The following LRRC7 variants were observed in gnomAD, a reference collection of about 807,000 sequenced individuals.
The protein encoded by LRRC7 is leucine rich repeat containing 7.
Under a neutral mutation model 175.7 loss-of-function variants are expected in LRRC7, and 23 were observed. The ratio of observed to expected loss-of-function variants is 0.13; its 90% CI spans 0.09 to 0.19. The LOEUF (loss-of-function observed/expected upper bound fraction) is 0.19, where lower values mean the gene tolerates loss of function less well. LRRC7 is among the 10% of genes least tolerant of loss of function. The pLI is 1.00. For missense variants in LRRC7, 1,354 were observed against 1,904.7 expected (o/e 0.71, Z 5.38); for synonymous variants, 685 against 680.9 (o/e 1.01, Z -0.09).
intron 25 of LRRC7, among the ~76,000 whole-genome samples, chr1:70,096,625 C>T (rs1019376062): frequency 4.2e-4 from 64 of 152,100 alleles, no homozygotes; most frequent in African/African-American, 1.4e-3. Context: ...CCTTTGTCCT[C>T]TCTGTCAACG....
Position 69,838,288 on chromosome 1 carries a change from G to GT in LRRC7, c.647+6dup. 1 of 1,601,672 alleles carries GT rather than the reference G, an allele frequency of 6.2e-7. No homozygotes were observed. Among genetic ancestry groups the GT allele is most frequent in the Non-Finnish European group, 8.5e-7 (1 of 1,170,066 alleles). On this transcript the variant is annotated splice_donor_region_variant and intron_variant, in intron 7 of 26. Transcript: ENST00000651989. ...TCACTTGAAAACTCTACCAAAGTAA[G>GT]TGACTGTGTATTTTCTGAATTTTGA...
intron 3 of LRRC7, among the ~76,000 whole-genome samples, chr1:69,768,657 G>A (rs191683512): frequency 1.0e-3 from 159 of 152,296 alleles, no homozygotes; most frequent in Non-Finnish European, 1.7e-3. Flanking sequence ...AGGTAAGGAA[G>A]GAAGGGGAAA....
intron 7 of LRRC7, among the ~76,000 whole-genome samples, chr1:69,852,962 A>G (rs577773626): frequency 1.3e-5 from 2 of 152,290 alleles, no homozygotes; most frequent in East Asian, 1.9e-4. Context: ...CAGAATGTCC[A>G]TAATGCAACT....
chr1:70,091,400 A>G (rs937549561), intron 25 of LRRC7, among the ~76,000 whole-genome samples: 1 of 152,122 alleles, frequency 6.6e-6, no homozygotes, highest in African/African-American at 2.4e-5. Context: ...TCTTTCATAA[A>G]TTCTTTCAAT....
chr1:70,105,803 G>A (rs1156582012), intron 25 of LRRC7, among the ~76,000 whole-genome samples: 1 of 152,046 alleles, frequency 6.6e-6, no homozygotes, highest in Non-Finnish European at 1.5e-5. Flanking sequence ...TAATTACTTG[G>A]TTAAAAGTTA....
At chr1:69,933,688 T>C (rs1351928924) in intron 8 of LRRC7, among the ~76,000 whole-genome samples, 1 of 152,208 alleles carries the variant, frequency 6.6e-6, no homozygotes. Flanking sequence ...CTGTCAGGTA[T>C]ATTATTCTGC....
intron 1 of LRRC7, among the ~76,000 whole-genome samples, chr1:69,602,235 A>G (rs892570084): frequency 1.2e-4 from 19 of 152,172 alleles, no homozygotes; most frequent in Admixed American, 5.9e-4. Flanking sequence ...GATTCAATCT[A>G]ATACATACAT....
chr1:70,093,968 G>C (rs1482921116), intron 25 of LRRC7, among the ~76,000 whole-genome samples: 1 of 152,174 alleles, frequency 6.6e-6, no homozygotes, highest in African/African-American at 2.4e-5. Context: ...CTGCAAATGA[G>C]AGAATTTTTA....
intron 18 of LRRC7, 87 bp downstream of exon 18, chr1:70,028,458 A>G (rs1658358733): frequency 8.7e-7 from 1 of 1,148,728 alleles, no homozygotes. Flanking sequence ...ATCTTCCTTG[A>G]TAAGTGCATT....
In LRRC7 at chr1:70,023,236, C is replaced by A; in HGVS notation, c.1656C>A (p.Ile552=). The A allele has an allele frequency of 6.2e-7, 1 of 1,612,300 alleles. No individual in the cohort carries two copies. ...CTPWARCDQQ[I]QDMPVPQNDP... is the part of the protein sequence containing the mutation. The stretch of plus-strand genomic sequence containing the variant: ...CATGGGCCAGGTGTGATCAGCAGAT[C>A]CAAGATATGCCCGTCCCCCAGAATG... The change falls in exon 17 of 27, where the codon ATC becomes ATA. Residue 552 remains isoleucine, a synonymous_variant. Transcript: ENST00000651989.
Position 69,838,333 on chromosome 1 carries a change from G to A in LRRC7, c.647+50G>A, listed in dbSNP as rs756200434. On this transcript the variant is annotated intron_variant, in intron 7 of 26. Coordinates refer to ENST00000651989, the MANE Select transcript of LRRC7 (RefSeq NM_001370785.2). ...TTTTGAACTGTGATTTTTTTCACTA[G>A]TAAGAGAAATAACTACTTTTATTTT... 22 of 1,380,420 alleles carry A rather than the reference G, an allele frequency of 1.6e-5. No homozygotes were observed. The South Asian group carries it at 2.5e-4, about 15-fold the overall frequency. 85.5% of individuals were successfully genotyped at this position (1,380,420 alleles called of 1,614,324 possible). A position where few individuals can be genotyped will look rare whatever the true frequency, so the allele number is the denominator to read the frequency against.
At chr1:69,786,858 C>T (rs1006980206) in intron 3 of LRRC7, among the ~76,000 whole-genome samples, 16 of 152,238 alleles carry the variant, frequency 1.1e-4, no homozygotes, top group African/African-American at 3.4e-4. Flanking sequence ...CCAGATCTTA[C>T]GTACTCACAT....
At chr1:70,100,338 G>T (rs663251) in intron 25 of LRRC7, among the ~76,000 whole-genome samples, 89,581 of 151,898 alleles carry the variant, frequency 0.59, 27,139 homozygotes, top group Middle Eastern at 0.67. Context: ...GCTCTGAAGA[G>T]CATCATCTTG....
intron 1 of LRRC7, among the ~76,000 whole-genome samples, chr1:69,657,504 C>A (rs1201296680): frequency 1.3e-5 from 2 of 151,792 alleles, no homozygotes; most frequent in Non-Finnish European, 2.9e-5. Flanking sequence ...TCCTCTTCAT[C>A]CAGGTGCTAT....
intron 1 of LRRC7, among the ~76,000 whole-genome samples, chr1:69,654,488 G>C (rs369464699): frequency 6.6e-6 from 1 of 151,860 alleles, no homozygotes; most frequent in African/African-American, 2.4e-5. Flanking sequence ...TTAGAGTTGT[G>C]ATAACAAGTC....
intron 7 of LRRC7, among the ~76,000 whole-genome samples, chr1:69,924,716 T>C (rs1031446147): frequency 6.6e-6 from 1 of 152,210 alleles, no homozygotes; most frequent in African/African-American, 2.4e-5. Flanking sequence ...CAATGGGGTT[T>C]CCTAGATATA....
At chr1:70,053,700 C>A (rs552696009) in intron 23 of LRRC7, among the ~76,000 whole-genome samples, 1 of 151,888 alleles carries the variant, frequency 6.6e-6, no homozygotes, top group East Asian at 1.9e-4. Flanking sequence ...AACAGATCCC[C>A]ACAACAGGAG....
At chr1:69,955,553 C>G (rs900134160) in intron 8 of LRRC7, among the ~76,000 whole-genome samples, 3 of 151,852 alleles carry the variant, frequency 2.0e-5, no homozygotes, top group East Asian at 3.9e-4. Context: ...GACAACTCTT[C>G]GGGACTTCAA....
chr1:69,921,921 CTGTTTGTT>C (rs149881011), intron 7 of LRRC7, among the ~76,000 whole-genome samples: 11 of 151,814 alleles, frequency 7.2e-5, no homozygotes, highest in Admixed American at 5.3e-4. Context: ...TACATTCATT[CTGTTTGTT>C]TGTTTGTTTG....
Sources: gnomAD v4.1 joint callset for allele counts (sites outside exome capture counted in the v4.1 genomes callset) on GRCh38, gnomAD v4.1.1 for gene constraint, MANE v1.5 for transcripts, NCBI Gene and HGNC (gene_info 2026-07-23, HGNC 2026-07-21) for gene names.